The following PPP5C variants were observed in gnomAD, a reference collection of about 807,000 sequenced individuals.
The protein encoded by PPP5C is serine/threonine-protein phosphatase 5.
A neutral mutation model predicts 66.7 loss-of-function variants in PPP5C; 21 were observed. The observed-to-expected ratio is 0.31, with a 90% CI of 0.22 to 0.45. The LOEUF (loss-of-function observed/expected upper bound fraction) is 0.45, where lower values mean the gene tolerates loss of function less well. PPP5C is among the 20% of genes least tolerant of loss of function. PPP5C has a pLI of 1.00. For synonymous variants in PPP5C, 246 were observed against 257.4 expected, an observed-to-expected ratio of 0.96 and a Z score of 0.43; for missense variants, 464 against 675.9, an observed-to-expected ratio of 0.69 and a Z score of 3.48.
rs748371213 is a variant in PPP5C, at chr19:46,388,191, A to G, written c.1136-217A>G. ...CTGGCTTCGGGGCCACAGGGGATTGAATGGGGTCTGGAGGGCAGATCAGCA... is the reference window on the plus strand; with the variant it reads ...CTGGCTTCGGGGCCACAGGGGATTGGATGGGGTCTGGAGGGCAGATCAGCA... On this transcript the variant is annotated intron_variant, in intron 9 of 12. Coordinates refer to ENST00000012443, the MANE Select transcript of PPP5C (RefSeq NM_006247.4). This position sits in a 1 kb window ranked among gnomAD's most constrained non-coding sequence, Gnocchi z 4.9. 8.8e-5 allele frequency: 47 copies of G among 534,214 alleles called. No homozygotes were observed. The highest frequency in any genetic ancestry group is 1.5e-4 in the Non-Finnish European group (46 of 302,946). The allele number at this position is 534,214 out of a possible 1,614,324, so 33.1% of individuals were successfully genotyped here. A position where few individuals can be genotyped will look rare whatever the true frequency, so the allele number is the denominator to read the frequency against.
At chr19:46,358,540 A>G (rs999045331) in intron 2 of PPP5C, among the ~76,000 whole-genome samples, 9 of 152,210 alleles carry the variant, frequency 5.9e-5, no homozygotes, top group African/African-American at 1.9e-4. Flanking sequence ...ACCCTCGTAA[A>G]TGTTCCTCCG....
intron 9 of PPP5C, 189 bp downstream of exon 9, chr19:46,387,642 C>T (rs926701222): frequency 1.5e-5 from 23 of 1,515,548 alleles, no homozygotes; most frequent in East Asian, 7.5e-5. Flanking sequence ...ATGGCAAGCA[C>T]GGTCGTGACC....
chr19:46,382,945 CT>C, intron 4 of PPP5C: 1 of 1,087,886 alleles, frequency 9.2e-7, no homozygotes, highest in Non-Finnish European at 1.1e-6. Flanking sequence ...CCAAAACATC[CT>C]TTTTAGCTGC....
At chr19:46,363,091 A>G (rs919865535) in intron 2 of PPP5C, among the ~76,000 whole-genome samples, 56 of 150,552 alleles carry the variant, frequency 3.7e-4, no homozygotes, top group Non-Finnish European at 7.1e-4. Context: ...CGGGCCGCCG[A>G]CATAGTTTTT....
chr19:46,347,466 G>C (rs987314623), intron 1 of PPP5C, among the ~76,000 whole-genome samples: 1 of 152,024 alleles, frequency 6.6e-6, no homozygotes, highest in East Asian at 1.9e-4. Context: ...ACCAATTGTG[G>C]GGCGAGAGGG....
chr19:46,369,589 G>C (rs990371707), intron 2 of PPP5C, among the ~76,000 whole-genome samples: 1 of 145,324 alleles, frequency 6.9e-6, no homozygotes, highest in Non-Finnish European at 1.5e-5. Flanking sequence ...CGGACATTGC[G>C]CCACTGCACC....
intron 2 of PPP5C, 142 bp downstream of exon 2, chr19:46,354,131 A>G: frequency 1.6e-6 from 2 of 1,279,968 alleles, no homozygotes; most frequent in Non-Finnish European, 2.1e-6. Context: ...CCTTGGGCCC[A>G]GGCCAGAGTA....
In PPP5C at chr19:46,352,819, C is replaced by CA. The variant is rs5828273; in HGVS notation, c.122-912dup. 8.0e-3 allele frequency among the ~76,000 whole-genome samples: 1,019 copies of CA among 127,478 alleles called. 9 individuals are homozygous for CA. Among genetic ancestry groups the CA allele is most frequent in the African/African-American group, 0.024 (851 of 34,846 alleles). The allele number at this position is 127,478 out of a possible 152,430, so 83.6% of individuals were successfully genotyped here. ...TGGGCGACAGAGCGAGACTCCATCT[C>CA]AAAAAAAAAAAAAAAAAGAAGGCCC... On this transcript the variant is annotated intron_variant, in intron 1 of 12. Coordinates refer to ENST00000012443, the MANE Select transcript of PPP5C (RefSeq NM_006247.4).
chr19:46,363,441 TTC>T (rs769217287), intron 2 of PPP5C, among the ~76,000 whole-genome samples: 59 of 150,480 alleles, frequency 3.9e-4, no homozygotes, highest in Non-Finnish European at 7.5e-4. Context: ...CTTTATTTTT[TTC>T]TTTTTCAGAC....
chr19:46,349,641 G>A (rs979697248), intron 1 of PPP5C, among the ~76,000 whole-genome samples: 1 of 152,134 alleles, frequency 6.6e-6, no homozygotes, highest in African/African-American at 2.4e-5. Context: ...CAAGAGCGGG[G>A]TGCTGTGGTT....
rs761504814 is a variant in PPP5C, at chr19:46,390,051, C to T, written c.1356C>T (p.Cys452=). The change falls in exon 12 of 13, where the codon TGC becomes TGT. Residue 452 remains cysteine (C), a splice_region_variant and synonymous_variant. Coordinates refer to ENST00000012443, the MANE Select transcript of PPP5C (RefSeq NM_006247.4). ...CVTVFSAPNY[C]DQMGNKASYI... ...GTCCACTCTGCTCCTGTCCCTGCAG[C>T]GACCAGATGGGGAACAAAGCCTCCT... is the stretch of plus-strand genomic sequence containing the variant. The T allele has an allele frequency of 1.2e-5, 19 of 1,613,932 alleles. No homozygotes were observed. The highest frequency in any genetic ancestry group is 5.0e-5 in the Admixed American group (3 of 60,000).
intron 11 of PPP5C, among the ~76,000 whole-genome samples, chr19:46,389,406 C>CTCAAA (rs1972962706): frequency 1.0e-4 from 3 of 29,160 alleles, no homozygotes; most frequent in African/African-American, 2.9e-4. Context: ...CACACACACA[C>CTCAAA]ACACACACAC....
In PPP5C at chr19:46,390,347, G is replaced by A. The variant is rs1416272794; in HGVS notation, c.*1G>A. 1 of 1,571,526 alleles carries A rather than the reference G, an allele frequency of 6.4e-7. No individual in the cohort carries two copies. The highest frequency in any genetic ancestry group is 2.4e-5 in the East Asian group (1 of 42,506). On this transcript the variant is annotated 3_prime_UTR_variant, in exon 13 of 13. Transcript: ENST00000012443. ...GCTGCTGCAGCTAGGAATGATGTGA[G>A]GTGACGGGCGGGGCGGCCTGCATCC... is the stretch of plus-strand genomic sequence containing the variant.
In PPP5C at chr19:46,388,375, C is replaced by T. The variant is rs551677624; in HGVS notation, c.1136-33C>T. 58 of 1,595,656 alleles carry T rather than the reference C, an allele frequency of 3.6e-5. No individual in the cohort carries two copies. Among genetic ancestry groups the T allele is most frequent in the Admixed American group, 5.1e-5 (3 of 59,228 alleles). ...GAGTGACCACCCCCGGGGAGGTGGA[C>T]GAGTCCCTAATGTTTCCCTCGCTCC... On this transcript the variant is annotated intron_variant, in intron 9 of 12. Transcript: ENST00000012443. The surrounding 1 kb of genome is among the most constrained non-coding windows in gnomAD (Gnocchi z 4.9).
chr19:46,359,418 G>T (rs932737799), intron 2 of PPP5C, among the ~76,000 whole-genome samples: 1 of 152,158 alleles, frequency 6.6e-6, no homozygotes, highest in Non-Finnish European at 1.5e-5. Flanking sequence ...GAAAAAAAGA[G>T]CCTTTTCCAA....
rs748007218 is a variant in PPP5C at position 46,353,801 on chromosome 19, C to A, written c.175C>A (p.Pro59Thr). ...CTACAGCCAGGCCATCGAGCTGAACCCCAGCAATGCCATCTACTATGGCAA... is the reference window on the plus strand; with the variant it reads ...CTACAGCCAGGCCATCGAGCTGAACACCAGCAATGCCATCTACTATGGCAA... ...KFYSQAIELN[P>T]SNAIYYGNRS... The change falls in exon 2 of 13, where the codon CCC becomes ACC. Residue 59 changes from proline (P) to threonine (T), a missense_variant. Physicochemically the swap from Pro to Thr is conservative, Grantham distance 38 (BLOSUM62 -1). Transcript: ENST00000012443. The A allele has an allele frequency of 8.1e-6, 13 of 1,614,088 alleles. No individual in the cohort carries two copies. Among genetic ancestry groups the A allele is most frequent in the African/African-American group, 2.7e-5 (2 of 75,062 alleles).
chr19:46,360,002 C>G (rs1005890514), intron 2 of PPP5C, among the ~76,000 whole-genome samples: 2 of 152,076 alleles, frequency 1.3e-5, no homozygotes, highest in African/African-American at 2.4e-5. Context: ...TGGTCTTGAA[C>G]TCCTGACCTC....
intron 11 of PPP5C, among the ~76,000 whole-genome samples, chr19:46,389,362 AACACACACACAC>A (rs57181889): frequency 5.8e-4 from 57 of 97,900 alleles, no homozygotes; most frequent in Admixed American, 2.0e-3. Context: ...TCCATCTCAA[AACACACACACAC>A]ACACACACAC....
chr19:46,371,186 G>A (rs150931649), intron 2 of PPP5C, among the ~76,000 whole-genome samples: 4 of 152,250 alleles, frequency 2.6e-5, no homozygotes, highest in Non-Finnish European at 5.9e-5. Context: ...ACCTAGGCCG[G>A]ATCTGGGGGA....
Sources: allele counts gnomAD v4.1 joint callset (sites outside exome capture counted in the v4.1 genomes callset), GRCh38; gene constraint gnomAD v4.1.1; non-coding constraint Gnocchi (gnomAD v3.1); transcripts MANE v1.5; gene names NCBI Gene and HGNC (gene_info 2026-07-23, HGNC 2026-07-21).